Variants in ZRANB3 observed in about 807,000 individuals in gnomAD.
The protein encoded by ZRANB3 is zinc finger RANBP2-type containing 3, also known as DNA annealing helicase and endonuclease ZRANB3.
Under a neutral mutation model 133.8 loss-of-function variants are expected in ZRANB3, and 125 were observed. That is an observed-to-expected ratio of 0.93 (90% CI 0.81 to 1.08). ZRANB3 has a LOEUF of 1.08. ZRANB3 is among the 50% of genes least tolerant of loss of function. The pLI is 0.00. For missense variants in ZRANB3, 1,229 were observed against 1,275.5 expected, an observed-to-expected ratio of 0.96 and a Z score of 0.56; for synonymous variants, 387 against 432.7, an observed-to-expected ratio of 0.89 and a Z score of 1.31.
chr2:135,485,025 G>C (rs929529541), intron 2 of ZRANB3, among the ~76,000 whole-genome samples: 6 of 151,904 alleles, frequency 3.9e-5, no homozygotes, highest in African/African-American at 1.5e-4. Context: ...AACAGAGTGA[G>C]ACTGTCTCAA....
chr2:135,441,601 A>C lies in ZRANB3; in HGVS notation c.162-50781T>G, dbSNP rs187924423. Among the ~76,000 whole-genome samples the C allele has an allele frequency of 2.1e-3, 313 of 152,120 alleles. 6 individuals carry two copies. The highest frequency in any genetic ancestry group is 0.02 in the Admixed American group (300 of 15,278). ...TAAAAAAGATTTAAAATGAATAATT[A>C]TAACACTATATTCTTACATATAATA... On this transcript the variant is annotated intron_variant, in intron 2 of 20. Coordinates refer to ENST00000264159, the MANE Select transcript of ZRANB3 (RefSeq NM_032143.4).
intron 12 of ZRANB3, among the ~76,000 whole-genome samples, chr2:135,259,175 A>G (rs975386982): frequency 6.6e-6 from 1 of 151,712 alleles, no homozygotes; most frequent in South Asian, 2.1e-4. Context: ...GTGTACCACC[A>G]TGCCCAGCTA....
chr2:135,254,323 T>C (rs1355189731), intron 12 of ZRANB3, among the ~76,000 whole-genome samples: 1 of 152,254 alleles, frequency 6.6e-6, no homozygotes, highest in East Asian at 1.9e-4. Flanking sequence ...TCTATTTTCA[T>C]ATTTATCGTA....
Position 135,200,381 on chromosome 2 carries a change from CT to C in ZRANB3, c.3200del (p.Lys1067SerfsTer11). The C allele has an allele frequency of 6.2e-7, 1 of 1,606,880 alleles. No individual in the cohort carries two copies. The highest frequency in any genetic ancestry group is 2.2e-5 in the East Asian group (1 of 44,778). Reference protein sequence around the residue: ...SQVRRQSLASKHGSDITRFLV... With the variant: ...SQVRRQSLASXHGSDITRFLV... ...AAAATCGTGTGATGTCTGATCCATG[CT>C]TTGATGCTAGAGATTGTCTTCTCAC... On this transcript the variant is annotated frameshift_variant, in exon 21 of 21. Transcript: ENST00000264159. LOFTEE classifies it high-confidence loss of function.
chr2:135,373,192 C>A (rs1214880749), intron 3 of ZRANB3, among the ~76,000 whole-genome samples: 3 of 151,966 alleles, frequency 2.0e-5, no homozygotes, highest in African/African-American at 7.3e-5. Flanking sequence ...AAAATTCATT[C>A]ATTTGTTCAG....
intron 6 of ZRANB3, among the ~76,000 whole-genome samples, chr2:135,335,007 G>T (rs1684307744): frequency 6.6e-6 from 1 of 152,136 alleles, no homozygotes; most frequent in Non-Finnish European, 1.5e-5. Context: ...GTGCCATGTG[G>T]TTTGCTGTAC....
At chr2:135,492,369 A>G (rs886083122) in intron 2 of ZRANB3, among the ~76,000 whole-genome samples, 2 of 152,182 alleles carry the variant, frequency 1.3e-5, no homozygotes, top group African/African-American at 4.8e-5. Context: ...GAAAGCATGG[A>G]CAGAATGAAA....
intron 2 of ZRANB3, among the ~76,000 whole-genome samples, chr2:135,413,679 G>C (rs1307431764): frequency 1.3e-5 from 2 of 152,058 alleles, no homozygotes; most frequent in African/African-American, 2.4e-5. Flanking sequence ...AGCTTTTACA[G>C]AAATGCAACA....
At position 135,335,920 on chromosome 2, in the gene ZRANB3, A is replaced by T. The variant is rs1364743050; in HGVS notation, c.677+9630T>A. 4.6e-5 allele frequency among the ~76,000 whole-genome samples: 7 copies of T among 152,290 alleles called. No homozygotes were observed. The South Asian group carries it at 1.5e-3, about 32-fold the overall frequency. On this transcript the variant is annotated intron_variant, in intron 6 of 20. Coordinates refer to ENST00000264159, the MANE Select transcript of ZRANB3 (RefSeq NM_032143.4). ...GGGAAAAAAAAACAACATAAAAGGA[A>T]GTGAGATAGAGCAAGCCATTTAAAC...
intron 6 of ZRANB3, among the ~76,000 whole-genome samples, chr2:135,344,031 AT>A (rs1429501974): frequency 6.6e-6 from 1 of 152,202 alleles, no homozygotes; most frequent in Non-Finnish European, 1.5e-5. Context: ...TTTATCTTAG[AT>A]TTTTCCCCTA....
chr2:135,379,559 T>A (rs1490102847), intron 3 of ZRANB3, among the ~76,000 whole-genome samples: 10 of 152,122 alleles, frequency 6.6e-5, no homozygotes, highest in Admixed American at 6.6e-4. Context: ...CCGGCCAAAC[T>A]AAGCTTCACA....
chr2:135,389,863 T>C, intron 3 of ZRANB3, among the ~76,000 whole-genome samples: 1 of 151,784 alleles, frequency 6.6e-6, no homozygotes, highest in Admixed American at 6.6e-5. Context: ...AAAGTGTATG[T>C]TTTGCTGTTA....
At chr2:135,477,258 C>G (rs1691544464) in intron 2 of ZRANB3, among the ~76,000 whole-genome samples, 1 of 152,156 alleles carries the variant, frequency 6.6e-6, no homozygotes, top group African/African-American at 2.4e-5. Flanking sequence ...AATAGAACTT[C>G]AAAGGCAAGC....
In ZRANB3 at chr2:135,500,171, C is replaced by T. The variant is rs977709940; in HGVS notation, c.161+4158G>A. On this transcript the variant is annotated intron_variant, in intron 2 of 20. Coordinates refer to ENST00000264159, the MANE Select transcript of ZRANB3 (RefSeq NM_032143.4). The stretch of plus-strand genomic sequence containing the variant: ...GGAAAATAAATTTCTGTTGTTTAAG[C>T]CACCCAGTTGCGGTATGCTTTTATG... Among the ~76,000 whole-genome samples, 6 of 152,034 alleles carry T rather than the reference C, an allele frequency of 3.9e-5. No homozygotes were observed. In the South Asian group the frequency reaches 8.3e-4, roughly 21 times the overall value.
At chr2:135,403,702 G>T (rs1000060847) in intron 2 of ZRANB3, among the ~76,000 whole-genome samples, 2 of 152,208 alleles carry the variant, frequency 1.3e-5, no homozygotes, top group Non-Finnish European at 2.9e-5. Flanking sequence ...AGGCACCCCC[G>T]AGTAGGGGCA....
chr2:135,290,675 AC>A (rs59313833), intron 8 of ZRANB3, among the ~76,000 whole-genome samples: 1 of 77,352 alleles, frequency 1.3e-5, no homozygotes, highest in African/African-American at 4.3e-5. Context: ...CCCCCCCTCC[AC>A]CCCCACCCCA....
Position 135,271,879 on chromosome 2 carries a change from G to A in ZRANB3, c.1095C>T (p.Tyr365=), listed in dbSNP as rs2105120584. 6.2e-7 allele frequency: 1 copy of A among 1,612,762 alleles called. No individual in the cohort carries two copies. The highest frequency in any genetic ancestry group is 8.5e-7 in the Non-Finnish European group (1 of 1,179,524). ...ATGAAACACTTCCATCTATCCTAAT[G>A]TAACGAGTCTAGCATCAACAAGGAA... ...TEAVIENKTR[Y]IRIDGSVSSS... The change falls in exon 10 of 21, where the codon TAC becomes TAT. Residue 365 remains tyrosine, a synonymous_variant. Transcript: ENST00000264159.
At chr2:135,225,628 G>A (rs1336281185) in intron 14 of ZRANB3, among the ~76,000 whole-genome samples, 6 of 152,152 alleles carry the variant, frequency 3.9e-5, no homozygotes, top group Non-Finnish European at 7.4e-5. Flanking sequence ...CACTACACAT[G>A]AGGTATATGC....
chr2:135,350,272 C>G (rs1476744400), intron 4 of ZRANB3, 57 bp from the exon 5 acceptor site: 2 of 1,272,862 alleles, frequency 1.6e-6, no homozygotes, highest in East Asian at 5.1e-5. Context: ...TTATCATGAA[C>G]AATACAACTC....
Sources: allele counts gnomAD v4.1 joint callset (sites outside exome capture counted in the v4.1 genomes callset), GRCh38; gene constraint gnomAD v4.1.1; transcripts MANE v1.5; gene names NCBI Gene and HGNC (gene_info 2026-07-23, HGNC 2026-07-21).